ERN2: variants seen among roughly 807,000 people sequenced by gnomAD.
ERN2 encodes endoplasmic reticulum to nucleus signaling 2, also known as serine/threonine-protein kinase/endoribonuclease IRE2.
Under a neutral mutation model 107.9 loss-of-function variants are expected in ERN2, and 111 were observed. That is an observed-to-expected ratio of 1.03 (90% CI 0.88 to 1.20). The LOEUF (loss-of-function observed/expected upper bound fraction) is 1.20, where lower values mean the gene tolerates loss of function less well. ERN2 is among the 50% of genes most tolerant of loss of function. The pLI, the probability that ERN2 is intolerant of heterozygous loss-of-function variation, is 0.00. For synonymous variants in ERN2, 524 were observed against 501.7 expected (o/e 1.04, Z -0.59); for missense variants, 1,225 against 1,197.9 (o/e 1.02, Z -0.33).
chr16:23,692,266 G>A lies in ERN2; in HGVS notation c.2166C>T (p.His722=), dbSNP rs760665092. 32 of 1,614,192 alleles carry A rather than the reference G, an allele frequency of 2.0e-5. No individual in the cohort carries two copies. Among genetic ancestry groups the A allele is most frequent in the Non-Finnish European group, 2.5e-5 (29 of 1,180,040 alleles). ...GGCGATAAAGACTGTCTCCAAAGGG[G>A]TGGCTGCCACCAGAAAGCACGTAGT... ...VFYYVLSGGS[H]PFGDSLYRQA... Residue 722 remains histidine (H), a synonymous_variant, in exon 18 of 22, where the codon CAC becomes CAT. Transcript: ENST00000256797.
chr16:23,694,178 G>A (rs566736567), intron 17 of ERN2, among the ~76,000 whole-genome samples: 7 of 152,240 alleles, frequency 4.6e-5, no homozygotes, highest in Admixed American at 4.6e-4. Context: ...TGTGCTTTTG[G>A]TAGAGACGAG....
intron 13 of ERN2, among the ~76,000 whole-genome samples, chr16:23,699,767 G>T (rs1052034569): frequency 1.3e-5 from 2 of 152,042 alleles, no homozygotes. Context: ...GAAAAGATAA[G>T]TGTTTAAAAA....
At chr16:23,713,037 C>T (rs905016583) in intron 1 of ERN2, 58 bp downstream of exon 1, 2 of 1,336,344 alleles carry the variant, frequency 1.5e-6, no homozygotes, top group African/African-American at 1.5e-5. Context: ...AGTGCGACGC[C>T]GCCCCCTGCG....
rs770044912 is a variant in ERN2 at position 23,695,881 on chromosome 16, G to T, written c.1610+13C>A. 5 of 1,610,562 alleles carry T rather than the reference G, an allele frequency of 3.1e-6. No individual in the cohort carries two copies. In the African/African-American group the frequency reaches 6.7e-5, roughly 22 times the overall value. On this transcript the variant is annotated intron_variant, in intron 14 of 21. Transcript: ENST00000256797. ...GTGCCATGTCCCCAGCTTGGCTCCTGGCTGCCACTCACCGGAAAACGAAAG... is the reference window on the plus strand; with the variant it reads ...GTGCCATGTCCCCAGCTTGGCTCCTTGCTGCCACTCACCGGAAAACGAAAG...
At chr16:23,704,829 G>A in intron 8 of ERN2, 54 bp downstream of exon 8, 2 of 1,577,512 alleles carry the variant, frequency 1.3e-6, no homozygotes, top group African/African-American at 1.3e-5. Context: ...ATCAGACCCA[G>A]GTTGCGACAC....
Position 23,695,957 on chromosome 16 carries a change from C to T in ERN2, c.1547G>A (p.Gly516Glu), listed in dbSNP as rs1167473134. 6.2e-7 allele frequency: 1 copy of T among 1,614,042 alleles called. No individual in the cohort carries two copies. The highest frequency in any genetic ancestry group is 8.5e-7 in the Non-Finnish European group (1 of 1,179,998). ...DPEAEQLTVV[G>E]KISFNPKDVL... ...GTCCTTGGGATTGAAGGAAATCTTCCCCACTACGGTGAGTTGCTCAGCTGG... is the reference window on the plus strand; with the variant it reads ...GTCCTTGGGATTGAAGGAAATCTTCTCCACTACGGTGAGTTGCTCAGCTGG... The change falls in exon 14 of 22, where the codon GGG (glycine) becomes GAG (glutamate). Residue 516 changes from glycine to glutamate, a missense_variant. Gly to Glu is a moderately conservative substitution (Grantham distance 98). Transcript: ENST00000256797.
At chr16:23,698,665 A>C (rs1959923091) in intron 13 of ERN2, among the ~76,000 whole-genome samples, 1 of 152,026 alleles carries the variant, frequency 6.6e-6, no homozygotes, top group African/African-American at 2.4e-5. Context: ...GGCTCATTGC[A>C]ACCTCTGCCT....
chr16:23,699,998 C>A (rs1959978682), intron 13 of ERN2, among the ~76,000 whole-genome samples: 1 of 151,710 alleles, frequency 6.6e-6, no homozygotes, highest in South Asian at 2.1e-4. Flanking sequence ...TAGATCTATA[C>A]CCAGTTTTAT....
In ERN2 at chr16:23,700,669, G is replaced by A; in HGVS notation, c.1395C>T (p.Thr465=). 2.5e-6 allele frequency: 4 copies of A among 1,613,754 alleles called. No homozygotes were observed. Among genetic ancestry groups the A allele is most frequent in the South Asian group, 1.1e-5 (1 of 91,018 alleles). The change falls in exon 13 of 22, where the codon ACC becomes ACT. Residue 465 remains threonine, a synonymous_variant. Transcript: ENST00000256797. The part of the protein sequence containing the change: ...QPQVVEKQQE[T]PLAPADFAHI... Reference sequence around the variant, plus strand: ...GAGCAAAGTCTGCAGGTGCCAGGGGGGTCTCCTGCTGCTTCTCCACCACCT... The same window carrying A: ...GAGCAAAGTCTGCAGGTGCCAGGGGAGTCTCCTGCTGCTTCTCCACCACCT...
In ERN2 at chr16:23,695,315, A is replaced by C; in HGVS notation, c.1685T>G (p.Val562Gly). The change falls in exon 15 of 22, where the codon GTT becomes GGT. Residue 562 changes from valine to glycine, a missense_variant. Transcript: ENST00000256797. ...CCTGTCAGACTCCTGCAGCAGTTGA[A>C]CTTCCCGCCGAACCAGGCCAAAGCA... ...RECFGLVRRE[V>G]QLLQESDRHP... 1 of 1,613,194 alleles carries C rather than the reference A, an allele frequency of 6.2e-7. No homozygotes were observed. The highest frequency in any genetic ancestry group is 8.5e-7 in the Non-Finnish European group (1 of 1,179,708).
Position 23,691,323 on chromosome 16 carries a change from T to C in ERN2, c.2479A>G (p.Ile827Val). ...AVVRDNWHEH[I>V]SMPLQTDLRK... Reference sequence around the variant, plus strand: ...CTACCTGTCTGCAGCGGCATGGAGATGTGCTCGTGCCAGTTGTCCCGGACC... The same window carrying C: ...CTACCTGTCTGCAGCGGCATGGAGACGTGCTCGTGCCAGTTGTCCCGGACC... Residue 827 changes from isoleucine to valine, a missense_variant, in exon 20 of 22, where the codon ATC (isoleucine) becomes GTC (valine). Transcript: ENST00000256797. 1 of 1,609,738 alleles carries C rather than the reference T, an allele frequency of 6.2e-7. No individual in the cohort carries two copies. Among genetic ancestry groups the C allele is most frequent in the Non-Finnish European group, 8.5e-7 (1 of 1,179,948 alleles).
chr16:23,709,263 A>C (rs1960448141), intron 4 of ERN2: 1 of 436,514 alleles, frequency 2.3e-6, no homozygotes, highest in Non-Finnish European at 4.6e-6. Context: ...GTACCACTGC[A>C]CTCCAGCCTG....
At chr16:23,699,394 C>T (rs2141011357) in intron 13 of ERN2, among the ~76,000 whole-genome samples, 1 of 152,178 alleles carries the variant, frequency 6.6e-6, no homozygotes, top group Non-Finnish European at 1.5e-5. Context: ...ATGAGCCAGC[C>T]CAGAGCCAAT....
intron 3 of ERN2, 115 bp downstream of exon 3, chr16:23,710,401 A>G (rs1960491683): frequency 7.8e-6 from 10 of 1,279,426 alleles, no homozygotes; most frequent in African/African-American, 1.5e-5. Context: ...TCCAGAGCCA[A>G]TTCTCTTCCC....
rs1341842213 is a variant in ERN2 at position 23,691,426 on chromosome 16, C to G, written c.2377-1G>C. 2 of 1,598,444 alleles carry G rather than the reference C, an allele frequency of 1.3e-6. No individual in the cohort carries two copies. The highest frequency in any genetic ancestry group is 2.2e-5 in the East Asian group (1 of 44,838). On this transcript the variant is annotated splice_acceptor_variant, in intron 19 of 21. Coordinates refer to ENST00000256797, the MANE Select transcript of ERN2 (RefSeq NM_033266.4). LOFTEE classifies it high-confidence loss of function. ...CCTTCTCCAGCCAGTCACTGACGTC[C>G]TGGGGCCCAGAGAGCTCCTGAGCCT...
In ERN2 at chr16:23,702,379, G is replaced by A; in HGVS notation, c.1081+11C>T. 1 of 1,612,020 alleles carries A rather than the reference G, an allele frequency of 6.2e-7. No homozygotes were observed. Among genetic ancestry groups the A allele is most frequent in the African/African-American group, 1.3e-5 (1 of 75,036 alleles). Reference sequence around the variant, plus strand: ...CTTCATCTACTCCCAATTTGAGCCAGAGGATCTCACCAATGAGCAGCCACT... The same window carrying A: ...CTTCATCTACTCCCAATTTGAGCCAAAGGATCTCACCAATGAGCAGCCACT... On this transcript the variant is annotated intron_variant, in intron 10 of 21. Transcript: ENST00000256797.
chr16:23,706,127 T>C, intron 7 of ERN2: 1 of 505,254 alleles, frequency 2.0e-6, no homozygotes, highest in Non-Finnish European at 3.5e-6. Flanking sequence ...GGTTGAGGGA[T>C]TGGCCAGGGT....
rs1212009718 is a variant in ERN2 at position 23,695,065 on chromosome 16, C to T, written c.1854G>A (p.Leu618=). The T allele has an allele frequency of 5.6e-6, 9 of 1,613,688 alleles. 1 individual carries two copies. In the East Asian group the frequency reaches 1.8e-4, roughly 32 times the overall value. Residue 618 remains leucine, a synonymous_variant, in exon 16 of 22, where the codon CTG becomes CTA. Transcript: ENST00000256797. Reference sequence around the variant, plus strand: ...GGGCCAGGCCAGACATCAGCTGCTGCAGCACGACCTCGGGCTCCAGACCCC... The same window carrying T: ...GGGCCAGGCCAGACATCAGCTGCTGTAGCACGACCTCGGGCTCCAGACCCC... ...DRGGLEPEVV[L]QQLMSGLAHL... is the part of the protein sequence containing the mutation.
Position 23,705,032 on chromosome 16 carries a change from C to T in ERN2, c.705G>A (p.Trp235Ter). The T allele has an allele frequency of 4.3e-6, 7 of 1,613,912 alleles. No individual in the cohort carries two copies. The highest frequency in any genetic ancestry group is 5.9e-6 in the Non-Finnish European group (7 of 1,180,030). Residue 235 changes from tryptophan to a stop codon, truncating the protein, a stop_gained, in exon 8 of 22, where the codon TGG becomes TGA. Transcript: ENST00000256797. LOFTEE classifies it high-confidence loss of function. The part of the protein sequence containing the change: ...LGVPVMGVYT[W>*]HQDGLRQLPH... ...GCAGCTGGCGCAGGCCGTCCTGGTGCCAGGTGTAGACGCCCATCACAGGCA... is the reference window on the plus strand; with the variant it reads ...GCAGCTGGCGCAGGCCGTCCTGGTGTCAGGTGTAGACGCCCATCACAGGCA...
Sources: gnomAD v4.1 joint callset for allele counts (sites outside exome capture counted in the v4.1 genomes callset) on GRCh38, gnomAD v4.1.1 for gene constraint, MANE v1.5 for transcripts, NCBI Gene and HGNC (gene_info 2026-07-23, HGNC 2026-07-21) for gene names.